The following ZNF469 variants were observed in gnomAD, a reference collection of about 807,000 sequenced individuals.
ZNF469 encodes the protein zinc finger protein 469.
ZNF469 carries 1 observed loss-of-function variant against 1.0 expected under a neutral mutation model. The observed-to-expected ratio is 1.00, with a 90% confidence interval of 0.35 to 4.73. The LOEUF is 4.73. Among genes scored for constraint, ZNF469 ranks in the 30% most tolerant of loss-of-function variants. The pLI is 0.16. For missense variants in ZNF469, 6,100 were observed against 5,356.3 expected, an observed-to-expected ratio of 1.14 and a Z score of -4.33; for synonymous variants, 2,703 against 2,363.4, an observed-to-expected ratio of 1.14 and a Z score of -4.17.
At chr16:88,180,874 G>A in the ZNF469 span, among the ~76,000 whole-genome samples, 1 of 152,156 alleles carries the variant, frequency 6.6e-6, no homozygotes, top group South Asian at 2.1e-4. Context: ...AAAACACATG[G>A]ATCACAAAGT....
chr16:88,151,252 G>A, the ZNF469 span, among the ~76,000 whole-genome samples: 127 of 152,206 alleles, frequency 8.3e-4, 1 homozygote, highest in Non-Finnish European at 2.8e-4. The surrounding 1 kb of genome is among the most constrained non-coding windows in gnomAD (Gnocchi z 5.4). Flanking sequence ...TCCAGGCCTC[G>A]ACTGTCAGCC....
rs1386892056 is a variant in ZNF469 at position 88,429,636 on chromosome 16, C to T, written c.2166C>T (p.Ala722=). 9.1e-6 allele frequency: 14 copies of T among 1,543,700 alleles called. 1 individual carries two copies. The South Asian group carries it at 1.7e-4, about 18-fold the overall frequency. The change falls in exon 3 of 3, where the codon GCC becomes GCT. Residue 722 remains alanine (A), a synonymous_variant. Coordinates refer to ENST00000565624, the MANE Select transcript of ZNF469 (RefSeq NM_001367624.2). ...CACACCACTTCTCCCTCAGCAGCGCCAGCCTGGACCAGCTGGACGTGCTGC... is the reference window on the plus strand; with the variant it reads ...CACACCACTTCTCCCTCAGCAGCGCTAGCCTGGACCAGCTGGACGTGCTGC... The part of the protein sequence containing the change: ...YPTHHFSLSS[A]SLDQLDVLLT...
the ZNF469 span, among the ~76,000 whole-genome samples, chr16:88,375,783 C>T: frequency 6.6e-6 from 1 of 152,232 alleles, no homozygotes; most frequent in East Asian, 1.9e-4. Context: ...AGTTCAAAGA[C>T]TAAACGAAGG....
the ZNF469 span, among the ~76,000 whole-genome samples, chr16:88,286,171 G>A: frequency 1.6e-3 from 248 of 152,330 alleles, no homozygotes; most frequent in African/African-American, 5.5e-3. Context: ...TGCCTGGGAC[G>A]GATGAGTTTC....
the ZNF469 span, among the ~76,000 whole-genome samples, chr16:88,133,449 G>T: frequency 1.3e-5 from 2 of 152,228 alleles, no homozygotes; most frequent in Non-Finnish European, 2.9e-5. Flanking sequence ...GGTGGGAATG[G>T]CAGACGCCGC....
chr16:88,323,250 G>A, the ZNF469 span, among the ~76,000 whole-genome samples: 1 of 152,176 alleles, frequency 6.6e-6, no homozygotes, highest in Admixed American at 6.5e-5. Flanking sequence ...AGGCCTTGGT[G>A]GTGCAGTGCC....
the ZNF469 span, among the ~76,000 whole-genome samples, chr16:88,136,540 A>G: frequency 6.6e-6 from 1 of 152,252 alleles, no homozygotes; most frequent in Non-Finnish European, 1.5e-5. Context: ...CCTGGTCAGC[A>G]GCACTTGCTG....
chr16:88,121,992 C>T, the ZNF469 span, among the ~76,000 whole-genome samples: 1 of 144,564 alleles, frequency 6.9e-6, no homozygotes, highest in Non-Finnish European at 1.5e-5. Context: ...CACTCCGTCA[C>T]TCGCTACGGC....
At chr16:88,120,746 A>G in the ZNF469 span, among the ~76,000 whole-genome samples, 1 of 152,192 alleles carries the variant, frequency 6.6e-6, no homozygotes, top group African/African-American at 2.4e-5. Context: ...CCCCGGGAAC[A>G]CTGGCTGGAA....
chr16:88,211,610 A>G, the ZNF469 span, among the ~76,000 whole-genome samples: 1 of 151,924 alleles, frequency 6.6e-6, no homozygotes, highest in Non-Finnish European at 1.5e-5. Context: ...TTTAATGGGC[A>G]ATTCACTTAG....
the ZNF469 span, among the ~76,000 whole-genome samples, chr16:88,275,928 G>A: frequency 6.6e-6 from 1 of 152,194 alleles, no homozygotes; most frequent in Non-Finnish European, 1.5e-5. Context: ...TGGAGACCAA[G>A]GGGCTGGAAA....
At chr16:88,361,747 C>T in the ZNF469 span, among the ~76,000 whole-genome samples, 2 of 150,904 alleles carry the variant, frequency 1.3e-5, no homozygotes, top group South Asian at 4.2e-4. Context: ...CTCATATGTT[C>T]TTGCTTTTCA....
chr16:88,395,706 A>G (rs1255423550), intron 1 of ZNF469, among the ~76,000 whole-genome samples: 1 of 152,154 alleles, frequency 6.6e-6, no homozygotes, highest in Non-Finnish European at 1.5e-5. Flanking sequence ...GTGACCAGCA[A>G]GGAGAAGGGA....
chr16:88,340,369 C>T, the ZNF469 span, among the ~76,000 whole-genome samples: 1 of 152,194 alleles, frequency 6.6e-6, no homozygotes, highest in African/African-American at 2.4e-5. Flanking sequence ...GGCCAGTTAT[C>T]ATAAGCCAGA....
At chr16:88,240,767 C>G in the ZNF469 span, among the ~76,000 whole-genome samples, 4 of 152,146 alleles carry the variant, frequency 2.6e-5, no homozygotes, top group African/African-American at 9.7e-5. Flanking sequence ...CGGGCAACCG[C>G]GAGTTGGTTT....
At chr16:88,239,654 ATTTTT>A in the ZNF469 span, among the ~76,000 whole-genome samples, 17 of 46,426 alleles carry the variant, frequency 3.7e-4, no homozygotes, top group African/African-American at 1.1e-3. Context: ...CGCCCGGCTT[ATTTTT>A]TTTTTTTGTA....
chr16:88,279,539 T>G, the ZNF469 span, among the ~76,000 whole-genome samples: 30 of 125,692 alleles, frequency 2.4e-4, no homozygotes, highest in East Asian at 1.0e-3. Flanking sequence ...GGTCAGTACC[T>G]TGTAGATATC....
chr16:88,311,686 A>G, the ZNF469 span, among the ~76,000 whole-genome samples: 5 of 152,170 alleles, frequency 3.3e-5, no homozygotes. Context: ...AGACAGTCCT[A>G]GTGTGGAAGT....
the ZNF469 span, among the ~76,000 whole-genome samples, chr16:88,139,790 C>A: frequency 6.6e-6 from 1 of 152,208 alleles, no homozygotes; most frequent in Admixed American, 6.5e-5. Flanking sequence ...AATAGAATCT[C>A]CAGACCTTCT....
Sources: gnomAD v4.1 joint callset for allele counts (sites outside exome capture counted in the v4.1 genomes callset) on GRCh38, gnomAD v4.1.1 for gene constraint, Gnocchi (gnomAD v3.1) non-coding constraint, MANE v1.5 for transcripts, NCBI Gene and HGNC (gene_info 2026-07-23, HGNC 2026-07-21) for gene names.